Variants in MED27 observed in about 807,000 individuals in gnomAD.
The protein encoded by MED27 is mediator complex subunit 27.
Under a neutral mutation model 38.2 loss-of-function variants are expected in MED27, and 30 were observed. The ratio of observed to expected loss-of-function variants is 0.79; its 90% CI spans 0.59 to 1.07. MED27 has a LOEUF of 1.07. Ranked by LOEUF, MED27 falls within the 50% of genes least tolerant of loss-of-function variation. The pLI, the probability that MED27 is intolerant of heterozygous loss-of-function variation, is 0.00. For synonymous variants in MED27, 122 were observed against 153.5 expected (o/e 0.79, Z 1.52); for missense variants, 289 against 397.5 (o/e 0.73, Z 2.32).
At chr9:132,054,007 T>A (rs896795130) in intron 2 of MED27, among the ~76,000 whole-genome samples, 1 of 151,130 alleles carries the variant, frequency 6.6e-6, no homozygotes. Flanking sequence ...AAAAAAAAAA[T>A]CTGCTTAAAA....
At chr9:131,993,296 T>C (rs2131045049) in intron 3 of MED27, among the ~76,000 whole-genome samples, 1 of 152,170 alleles carries the variant, frequency 6.6e-6, no homozygotes, top group Admixed American at 6.5e-5. Context: ...TGAAAGGCTG[T>C]ACCAAAAAGA....
intron 3 of MED27, among the ~76,000 whole-genome samples, chr9:132,013,542 A>G (rs1042674292): frequency 6.6e-6 from 1 of 152,190 alleles, no homozygotes; most frequent in African/African-American, 2.4e-5. Flanking sequence ...AGCTTACTGT[A>G]TCTGTTATCC....
chr9:131,959,363 T>C (rs902565606), intron 3 of MED27, among the ~76,000 whole-genome samples: 3 of 152,232 alleles, frequency 2.0e-5, no homozygotes, highest in East Asian at 1.9e-4. Context: ...ACTCAGTACA[T>C]TGAACTCTGA....
intron 2 of MED27, among the ~76,000 whole-genome samples, chr9:132,032,797 T>A (rs894907936): frequency 1.3e-5 from 2 of 152,028 alleles, no homozygotes; most frequent in African/African-American, 4.8e-5. Flanking sequence ...CCCCTGCCCC[T>A]CCCTCTCACA....
At chr9:132,075,238 A>G (rs889236661) in intron 2 of MED27, among the ~76,000 whole-genome samples, 2 of 150,888 alleles carry the variant, frequency 1.3e-5, no homozygotes, top group Non-Finnish European at 3.0e-5. Context: ...AGGTCAGGAA[A>G]CCCAAATTCT....
intron 2 of MED27, among the ~76,000 whole-genome samples, chr9:132,034,171 C>A (rs1456197512): frequency 6.6e-6 from 1 of 152,134 alleles, no homozygotes; most frequent in East Asian, 1.9e-4. Flanking sequence ...GCTCAAGAAT[C>A]AAGAGGAATT....
intron 2 of MED27, among the ~76,000 whole-genome samples, chr9:132,076,386 C>T (rs1237594392): frequency 6.6e-6 from 1 of 152,086 alleles, no homozygotes; most frequent in Non-Finnish European, 1.5e-5. Flanking sequence ...CTTTAGTAAC[C>T]CATGATAAAT....
chr9:132,043,116 T>C (rs1003354874), intron 2 of MED27, among the ~76,000 whole-genome samples: 1 of 152,016 alleles, frequency 6.6e-6, no homozygotes, highest in African/African-American at 2.4e-5. Context: ...CCAATAAAGT[T>C]AAATCTATAT....
intron 2 of MED27, among the ~76,000 whole-genome samples, chr9:132,029,840 T>C (rs965966565): frequency 6.6e-6 from 1 of 151,484 alleles, no homozygotes; most frequent in African/African-American, 2.4e-5. Flanking sequence ...GCATTTTGTA[T>C]TACCCTTGCA....
At chr9:131,968,384 G>A (rs1215097688) in intron 3 of MED27, among the ~76,000 whole-genome samples, 4 of 149,358 alleles carry the variant, frequency 2.7e-5, no homozygotes, top group African/African-American at 9.9e-5. Flanking sequence ...TGAGGTGGAA[G>A]CATCACTTGA....
intron 3 of MED27, among the ~76,000 whole-genome samples, chr9:131,991,092 A>G (rs1831961874): frequency 6.6e-6 from 1 of 152,206 alleles, no homozygotes; most frequent in African/African-American, 2.4e-5. Context: ...TTCCCTTCCA[A>G]GACAACCTTG....
chr9:132,077,618 T>C lies in MED27; in HGVS notation c.204-32A>G, dbSNP rs911446003. The stretch of plus-strand genomic sequence containing the variant: ...AGCAAAGAGACAAGGCAAATAAACC[T>C]AAGCCCATTTACACTCCAGGGTAAA... On this transcript the variant is annotated intron_variant, in intron 1 of 7. Coordinates refer to ENST00000292035, the MANE Select transcript of MED27 (RefSeq NM_004269.4). The C allele has an allele frequency of 3.7e-6, 6 of 1,612,700 alleles. No homozygotes were observed. In the African/African-American group the frequency reaches 6.7e-5, roughly 18 times the overall value.
At chr9:131,893,323 T>G (rs1176873957) in intron 5 of MED27, among the ~76,000 whole-genome samples, 1 of 152,096 alleles carries the variant, frequency 6.6e-6, no homozygotes, top group Non-Finnish European at 1.5e-5. Context: ...TGGAGCCATA[T>G]GGAGACTGTG....
chr9:131,899,889 G>A (rs1829905464), intron 4 of MED27, among the ~76,000 whole-genome samples: 1 of 152,160 alleles, frequency 6.6e-6, no homozygotes, highest in African/African-American at 2.4e-5. Flanking sequence ...GAGGCCAATG[G>A]GCATCTTTCC....
chr9:131,867,211 G>C lies in MED27; in HGVS notation c.724-4071C>G, dbSNP rs181753099. On this transcript the variant is annotated intron_variant, in intron 6 of 7. Transcript: ENST00000292035. ...ATTCTGACTCTCTGCGGGGAGAGTGGCTCAGATGAGGTGGGTGGAGCCAGG... is the reference window on the plus strand; with the variant it reads ...ATTCTGACTCTCTGCGGGGAGAGTGCCTCAGATGAGGTGGGTGGAGCCAGG... 2.9e-3 allele frequency among the ~76,000 whole-genome samples: 435 copies of C among 152,318 alleles called. 5 individuals carry two copies. Among genetic ancestry groups the C allele is most frequent in the Non-Finnish European group, 1.1e-3 (76 of 68,020 alleles).
At chr9:131,904,905 C>T (rs1377136059) in intron 4 of MED27, among the ~76,000 whole-genome samples, 1 of 152,186 alleles carries the variant, frequency 6.6e-6, no homozygotes, top group African/African-American at 2.4e-5. Flanking sequence ...TTTTCCATCT[C>T]ACATTGTAAA....
At chr9:131,949,160 T>C (rs537991315) in intron 3 of MED27, among the ~76,000 whole-genome samples, 2 of 152,304 alleles carry the variant, frequency 1.3e-5, no homozygotes, top group East Asian at 3.9e-4. Flanking sequence ...ACAGTATCTA[T>C]TAATAAATAT....
chr9:131,921,597 C>T (rs1292447398), intron 4 of MED27, among the ~76,000 whole-genome samples: 1 of 152,296 alleles, frequency 6.6e-6, no homozygotes, highest in African/African-American at 2.4e-5. Flanking sequence ...CTAGTTCAAC[C>T]ATTGTGGAAG....
At chr9:132,063,655 C>A (rs1415777844) in intron 2 of MED27, among the ~76,000 whole-genome samples, 1 of 152,244 alleles carries the variant, frequency 6.6e-6, no homozygotes, top group Non-Finnish European at 1.5e-5. Context: ...CTGCTAGTTT[C>A]TTAAACACTT....
Sources: allele counts gnomAD v4.1 joint callset (sites outside exome capture counted in the v4.1 genomes callset), GRCh38; gene constraint gnomAD v4.1.1; transcripts MANE v1.5; gene names NCBI Gene and HGNC (gene_info 2026-07-23, HGNC 2026-07-21).